The following SPAG16 variants were observed in gnomAD, a reference collection of about 807,000 sequenced individuals.
SPAG16 encodes the protein sperm associated antigen 16, also known as sperm-associated antigen 16 protein.
Under a neutral mutation model 80.4 loss-of-function variants are expected in SPAG16, and 86 were observed. The observed-to-expected ratio is 1.07, with a 90% CI of 0.90 to 1.28. SPAG16 has a LOEUF of 1.28. Among genes scored for constraint, SPAG16 ranks in the 50% most tolerant of loss-of-function variants. The probability of loss-of-function intolerance (pLI) is 0.00; values close to 1 mark genes in which losing one functional copy is unlikely to be tolerated. For missense variants in SPAG16, 870 were observed against 765.3 expected (o/e 1.14, Z -1.61); for synonymous variants, 294 against 265.9 (o/e 1.11, Z -1.03).
chr2:213,758,815 C>G (rs568820672), intron 10 of SPAG16, among the ~76,000 whole-genome samples: 1 of 151,990 alleles, frequency 6.6e-6, no homozygotes, highest in Non-Finnish European at 1.5e-5. Flanking sequence ...AGAAATCCAA[C>G]AGAATTCAAG....
intron 9 of SPAG16, among the ~76,000 whole-genome samples, chr2:213,404,843 A>ATT (rs113514154): frequency 6.6e-5 from 10 of 151,682 alleles, no homozygotes; most frequent in African/African-American, 2.2e-4. Context: ...ATTCTTTAAA[A>ATT]TTTTTTTTTA....
chr2:214,319,200 C>CCA lies in SPAG16; in HGVS notation c.1721-90917_1721-90916dup, dbSNP rs61711759. Among the ~76,000 whole-genome samples, 322 of 142,336 alleles carry CCA rather than the reference C, an allele frequency of 2.3e-3. 2 individuals are homozygous for CCA. Among genetic ancestry groups the CCA allele is most frequent in the African/African-American group, 6.9e-3 (263 of 38,132 alleles). 93.4% of individuals were successfully genotyped at this position (142,336 alleles called of 152,430 possible). On this transcript the variant is annotated intron_variant, in intron 15 of 15. Transcript: ENST00000331683. The stretch of plus-strand genomic sequence containing the variant: ...CCTAATAAACTTGCACACACACACA[C>CCA]CACACACACACACACACACACACAA...
At chr2:213,477,654 A>T (rs1009046155) in intron 9 of SPAG16, among the ~76,000 whole-genome samples, 1 of 152,140 alleles carries the variant, frequency 6.6e-6, no homozygotes, top group African/African-American at 2.4e-5. Flanking sequence ...CATTTATTCA[A>T]TGTCTGTACT....
intron 12 of SPAG16, among the ~76,000 whole-genome samples, chr2:213,966,009 A>G (rs2044693638): frequency 1.3e-5 from 2 of 152,216 alleles, no homozygotes; most frequent in Admixed American, 6.5e-5. Flanking sequence ...GTTCTGTCCT[A>G]CAATTAAGGT....
chr2:213,368,552 A>C (rs2066452144), intron 8 of SPAG16, among the ~76,000 whole-genome samples: 1 of 152,182 alleles, frequency 6.6e-6, no homozygotes, highest in African/African-American at 2.4e-5. Context: ...ATAGTGTTGG[A>C]AGTTCTGGCC....
chr2:214,032,769 T>A (rs1352360771), intron 13 of SPAG16, among the ~76,000 whole-genome samples: 1 of 152,170 alleles, frequency 6.6e-6, no homozygotes, highest in Non-Finnish European at 1.5e-5. Flanking sequence ...TGATGTAGAT[T>A]TACTTTGGAG....
At chr2:213,750,094 C>T (rs1181238019) in intron 10 of SPAG16, among the ~76,000 whole-genome samples, 1 of 152,064 alleles carries the variant, frequency 6.6e-6, no homozygotes, top group South Asian at 2.1e-4. Context: ...ATAACTATGT[C>T]GACTAATAGG....
chr2:213,960,298 C>G (rs1217064043), intron 12 of SPAG16, among the ~76,000 whole-genome samples: 1 of 151,844 alleles, frequency 6.6e-6, no homozygotes, highest in African/African-American at 2.4e-5. Flanking sequence ...TCCACTTCTT[C>G]TTTTAGTTAT....
At chr2:214,068,850 A>G (rs1273015645) in intron 13 of SPAG16, among the ~76,000 whole-genome samples, 1 of 152,098 alleles carries the variant, frequency 6.6e-6, no homozygotes, top group Non-Finnish European at 1.5e-5. Flanking sequence ...ATTCTTGCTT[A>G]GTCTCATTTT....
intron 13 of SPAG16, among the ~76,000 whole-genome samples, chr2:214,032,095 T>A (rs568419649): frequency 6.6e-6 from 1 of 152,226 alleles, no homozygotes; most frequent in Admixed American, 6.5e-5. Context: ...ATTTCCCTTT[T>A]CCCCTCCCTT....
At chr2:214,200,400 A>G (rs1271975361) in intron 15 of SPAG16, among the ~76,000 whole-genome samples, 2 of 152,080 alleles carry the variant, frequency 1.3e-5, no homozygotes, top group Non-Finnish European at 2.9e-5. Flanking sequence ...ATTGATTTGC[A>G]TATGTTAAAC....
intron 10 of SPAG16, among the ~76,000 whole-genome samples, chr2:213,631,709 TG>T (rs1228653214): frequency 6.6e-6 from 1 of 152,200 alleles, no homozygotes; most frequent in African/African-American, 2.4e-5. Flanking sequence ...TACGGATATC[TG>T]GTTTTCCCAG....
chr2:213,367,054 T>G (rs2066337583), intron 8 of SPAG16, among the ~76,000 whole-genome samples: 1 of 152,164 alleles, frequency 6.6e-6, no homozygotes, highest in South Asian at 2.1e-4. Context: ...TGTCTGTCCT[T>G]GAGATAGTTG....
chr2:213,970,667 A>G (rs949082752), intron 12 of SPAG16, among the ~76,000 whole-genome samples: 1 of 152,210 alleles, frequency 6.6e-6, no homozygotes, highest in Non-Finnish European at 1.5e-5. Flanking sequence ...TTCTGTAGGC[A>G]TACCTTTTTA....
rs71063764 is a variant in SPAG16, at chr2:213,643,767, C to CTTTTTTTTTTTTTTTTTTT, written c.1070+153688_1070+153706dup. 3.8e-5 allele frequency among the ~76,000 whole-genome samples: 2 copies of CTTTTTTTTTTTTTTTTTTT among 52,004 alleles called. 1 individual carries two copies. Among genetic ancestry groups the CTTTTTTTTTTTTTTTTTTT allele is most frequent in the African/African-American group, 1.7e-4 (2 of 11,698 alleles). The allele number at this position is 52,004 out of a possible 152,430, so 34.1% of individuals were successfully genotyped here. On this transcript the variant is annotated intron_variant, in intron 10 of 15. Transcript: ENST00000331683. The stretch of plus-strand genomic sequence containing the variant: ...TAGCCTGTCTTCAAGCTCACTACTT[C>CTTTTTTTTTTTTTTTTTTT]TTTTTTTTTTTTTTTTTTTTTTTTT...
intron 15 of SPAG16, among the ~76,000 whole-genome samples, chr2:214,331,051 T>C (rs1365265788): frequency 6.6e-6 from 1 of 152,166 alleles, no homozygotes; most frequent in East Asian, 1.9e-4. Flanking sequence ...TAACTTTCAT[T>C]CTGTATTTCC....
At chr2:213,386,960 GA>G (rs1559077023) in intron 9 of SPAG16, among the ~76,000 whole-genome samples, 1 of 152,060 alleles carries the variant, frequency 6.6e-6, no homozygotes, top group East Asian at 1.9e-4. Flanking sequence ...TCAAAATTAA[GA>G]GAAAAAAGTT....
chr2:214,405,729 G>A (rs1224386884), intron 15 of SPAG16, among the ~76,000 whole-genome samples: 8 of 152,080 alleles, frequency 5.3e-5, no homozygotes, highest in Admixed American at 2.6e-4. Flanking sequence ...CCCGGGAGGC[G>A]GAGGTTGCAG....
At chr2:214,052,518 A>T (rs1182904469) in intron 13 of SPAG16, among the ~76,000 whole-genome samples, 6 of 152,208 alleles carry the variant, frequency 3.9e-5, no homozygotes, top group Non-Finnish European at 8.8e-5. Context: ...TCCACTGTTG[A>T]TTGCAGTGTT....
Sources: allele counts gnomAD v4.1 joint callset (sites outside exome capture counted in the v4.1 genomes callset), GRCh38; gene constraint gnomAD v4.1.1; transcripts MANE v1.5; gene names NCBI Gene and HGNC (gene_info 2026-07-23, HGNC 2026-07-21).